SPAST: variants seen among roughly 807,000 people sequenced by gnomAD.
SPAST encodes the protein spastic paraplegia 4 (autosomal dominant; spastin).
SPAST carries 30 observed loss-of-function variants against 76.6 expected under a neutral mutation model. That is an observed-to-expected ratio of 0.39 (90% CI 0.29 to 0.53). SPAST has a LOEUF of 0.53. SPAST is among the 20% of genes least tolerant of loss of function. The pLI is 0.68. For missense variants in SPAST, 717 were observed against 770.5 expected (o/e 0.93, Z 0.82); for synonymous variants, 305 against 281.0 (o/e 1.09, Z -0.86).
Position 32,135,457 on chromosome 2 carries a change from C to A in SPAST, c.1246-1106C>A, listed in dbSNP as rs143130075. Among the ~76,000 whole-genome samples the A allele has an allele frequency of 2.7e-3, 414 of 152,228 alleles. 4 individuals carry two copies. The highest frequency in any genetic ancestry group is 9.6e-3 in the African/African-American group (400 of 41,542). On this transcript the variant is annotated intron_variant, in intron 9 of 16. Coordinates refer to ENST00000315285, the MANE Select transcript of SPAST (RefSeq NM_014946.4). ...AATATTTGTTTCGATTATTCTAAATCTGGTGACATTTCTTTTGTTTTTAAG... is the reference window on the plus strand; with the variant it reads ...AATATTTGTTTCGATTATTCTAAATATGGTGACATTTCTTTTGTTTTTAAG...
At position 32,063,719 on chromosome 2, in the gene SPAST, G is replaced by A; in HGVS notation, c.-113G>A. ...GCGGCAGTGCGGAGCTCCTGAGACC[G>A]GCGGGCACACGGGGGTCTGTGGCCC... On this transcript the variant is annotated 5_prime_UTR_variant, in exon 1 of 17. Transcript: ENST00000315285. 1 of 1,418,854 alleles carries A rather than the reference G, an allele frequency of 7.0e-7. No individual in the cohort carries two copies. The highest frequency in any genetic ancestry group is 9.4e-7 in the Non-Finnish European group (1 of 1,061,136). The allele number at this position is 1,418,854 out of a possible 1,614,324, so 87.9% of individuals were successfully genotyped here.
At chr2:32,117,263 T>C (rs1678871254) in intron 7 of SPAST, among the ~76,000 whole-genome samples, 1 of 151,660 alleles carries the variant, frequency 6.6e-6, no homozygotes, top group African/African-American at 2.4e-5. Context: ...AAAAAATAAA[T>C]AAAAATTTAA....
intron 7 of SPAST, among the ~76,000 whole-genome samples, chr2:32,124,107 T>C (rs1232329070): frequency 6.6e-6 from 1 of 152,196 alleles, no homozygotes; most frequent in Non-Finnish European, 1.5e-5. Flanking sequence ...TGGGAGACTT[T>C]ACAAAATTCA....
chr2:32,075,929 CTCGCTCTG>C (rs1392066849), intron 1 of SPAST, among the ~76,000 whole-genome samples: 1 of 110,724 alleles, frequency 9.0e-6, no homozygotes, highest in Non-Finnish European at 1.7e-5. Flanking sequence ...GAGACAGAGT[CTCGCTCTG>C]TCGCCCAGGC....
chr2:32,097,631 T>TA (rs1272885877), intron 3 of SPAST, among the ~76,000 whole-genome samples: 1 of 152,102 alleles, frequency 6.6e-6, no homozygotes, highest in African/African-American at 2.4e-5. Context: ...ACAATCCTTA[T>TA]AGTTTCATTC....
At chr2:32,152,315 C>T (rs1274002688) in intron 16 of SPAST, among the ~76,000 whole-genome samples, 2 of 152,170 alleles carry the variant, frequency 1.3e-5, no homozygotes, top group East Asian at 3.8e-4. Context: ...TGCCTATAAT[C>T]CCAGCACTTT....
chr2:32,089,413 T>A (rs1221823854), intron 2 of SPAST, 109 bp from the exon 3 acceptor site: 9 of 643,772 alleles, frequency 1.4e-5, no homozygotes, highest in Admixed American at 1.2e-4. Context: ...TAAAAAAAAA[T>A]TTCTGTATAA....
chr2:32,106,692 C>G (rs956403893), intron 4 of SPAST, among the ~76,000 whole-genome samples: 37 of 152,174 alleles, frequency 2.4e-4, no homozygotes, highest in African/African-American at 8.2e-4. Context: ...GTCATCAACT[C>G]TTTCCCTTGT....
chr2:32,142,874 G>A (rs2148758991), intron 13 of SPAST, among the ~76,000 whole-genome samples: 1 of 152,238 alleles, frequency 6.6e-6, no homozygotes, highest in Middle Eastern at 3.4e-3. Context: ...TACTTACAAT[G>A]GGTGAAATTC....
rs1466414961 is a variant in SPAST at position 32,110,529 on chromosome 2, G to A, written c.683-4109G>A. The stretch of plus-strand genomic sequence containing the variant: ...ATATAGTATATATATACTATATAGT[G>A]TGTATATATAGTATATATATACTAT... On this transcript the variant is annotated intron_variant, in intron 4 of 16. Transcript: ENST00000315285. Among the ~76,000 whole-genome samples, 7 of 49,192 alleles carry A rather than the reference G, an allele frequency of 1.4e-4. No individual in the cohort carries two copies. In the East Asian group the frequency reaches 5.5e-3, roughly 38 times the overall value. The allele number at this position is 49,192 out of a possible 152,430, so 32.3% of individuals were successfully genotyped here. A position where few individuals can be genotyped will look rare whatever the true frequency, so the allele number is the denominator to read the frequency against.
At chr2:32,144,135 G>A (rs1319679365) in intron 14 of SPAST, among the ~76,000 whole-genome samples, 1 of 152,118 alleles carries the variant, frequency 6.6e-6, no homozygotes, top group African/African-American at 2.4e-5. Flanking sequence ...TGTGAGTATT[G>A]AATAATTTTA....
chr2:32,130,856 T>G (rs1387654623), intron 9 of SPAST, among the ~76,000 whole-genome samples: 1 of 152,172 alleles, frequency 6.6e-6, no homozygotes, highest in Non-Finnish European at 1.5e-5. Context: ...CTTGATTTTA[T>G]CAGTACACCA....
At chr2:32,066,971 T>TC (rs1676538759) in intron 1 of SPAST, among the ~76,000 whole-genome samples, 1 of 9,188 alleles carries the variant, frequency 1.1e-4, no homozygotes, top group African/African-American at 4.5e-4. Context: ...TAAAACTGTC[T>TC]CAAAAAAAAA....
chr2:32,150,448 T>C (rs1680045216), intron 16 of SPAST, among the ~76,000 whole-genome samples: 2 of 151,832 alleles, frequency 1.3e-5, no homozygotes, highest in East Asian at 3.9e-4. Flanking sequence ...ATTTTTATTT[T>C]ATTTTTTGGG....
chr2:32,111,874 C>G (rs1400073249), intron 4 of SPAST, among the ~76,000 whole-genome samples: 1 of 151,010 alleles, frequency 6.6e-6, no homozygotes, highest in Non-Finnish European at 1.5e-5. Context: ...CATTCTCATA[C>G]TTGTTCCTTG....
At chr2:32,080,062 G>A (rs2148702177) in intron 1 of SPAST, among the ~76,000 whole-genome samples, 1 of 152,212 alleles carries the variant, frequency 6.6e-6, no homozygotes, top group East Asian at 1.9e-4. Context: ...GTGTACAAGG[G>A]TTCCAGTTTC....
chr2:32,072,761 GA>G (rs1256172711), intron 1 of SPAST, among the ~76,000 whole-genome samples: 1 of 152,188 alleles, frequency 6.6e-6, no homozygotes, highest in African/African-American at 2.4e-5. Flanking sequence ...ATGGAGGGTA[GA>G]AATCAGAAGT....
chr2:32,091,958 A>T (rs1052166909), intron 3 of SPAST, among the ~76,000 whole-genome samples: 3 of 152,154 alleles, frequency 2.0e-5, no homozygotes, highest in Admixed American at 2.0e-4. Context: ...ATTTTTGACC[A>T]TTGAATTATT....
chr2:32,116,585 G>C (rs1374158056), intron 7 of SPAST, among the ~76,000 whole-genome samples: 1 of 152,140 alleles, frequency 6.6e-6, no homozygotes, highest in Non-Finnish European at 1.5e-5. Flanking sequence ...TCCTGCCTCA[G>C]CCTCCCAAGT....
Sources: gnomAD v4.1 joint callset for allele counts (sites outside exome capture counted in the v4.1 genomes callset) on GRCh38, gnomAD v4.1.1 for gene constraint, MANE v1.5 for transcripts, NCBI Gene and HGNC (gene_info 2026-07-23, HGNC 2026-07-21) for gene names.